Variants in LANCL3 observed in about 807,000 individuals in gnomAD.
LANCL3 encodes the protein LanC like family member 3.
LANCL3 carries 19 observed loss-of-function variants against 26.5 expected under a neutral mutation model. That is an observed-to-expected ratio of 0.72 (90% CI 0.50 to 1.05). The LOEUF (loss-of-function observed/expected upper bound fraction) is 1.05. Ranked by LOEUF, LANCL3 falls within the 50% of genes least tolerant of loss-of-function variation. The pLI is 0.00. For missense variants in LANCL3, 318 were observed against 362.7 expected (o/e 0.88, Z 1.00); for synonymous variants, 160 against 166.6 (o/e 0.96, Z 0.30).
chrX:37,667,400 G>A lies in LANCL3; in HGVS notation c.1014G>A (p.Gly338=). The A allele has an allele frequency of 8.3e-7, 1 of 1,202,479 alleles. No individual in the cohort carries two copies. The highest frequency in any genetic ancestry group is 2.4e-4 in the Middle Eastern group (1 of 4,159). The change falls in exon 4 of 5, where the codon GGG becomes GGA. Residue 338 remains glycine (G), a synonymous_variant. Transcript: ENST00000378619. ...WQKGLLKKGP[G]ICHGVAGSAY... The stretch of plus-strand genomic sequence containing the variant: ...AAGGCCTGCTAAAGAAGGGGCCTGG[G>A]ATTTGCCATGGAGTAGCCGGCAGTG...
At chrX:37,637,224 G>T (rs1556425443) in intron 1 of LANCL3, among the ~76,000 whole-genome samples, 1 of 111,904 alleles carries the variant, frequency 8.9e-6, no homozygotes, top group Non-Finnish European at 1.9e-5. Flanking sequence ...ATCATGAATG[G>T]CTAACATAAA....
intron 1 of LANCL3, among the ~76,000 whole-genome samples, chrX:37,581,888 C>A (rs1189594956): frequency 7.2e-5 from 8 of 110,688 alleles, no homozygotes; most frequent in Non-Finnish European, 1.3e-4. Flanking sequence ...CCCATTAACT[C>A]GTCATTTATA....
At chrX:37,625,389 G>A (rs1925287263) in intron 1 of LANCL3, among the ~76,000 whole-genome samples, 1 of 111,272 alleles carries the variant, frequency 9.0e-6, no homozygotes, top group Non-Finnish European at 1.9e-5. Context: ...AGAAATTGCA[G>A]AAGTTCCAAA....
rs186684422 is a variant in LANCL3, at chrX:37,612,199, C to T, written c.573+39756C>T. ...TCAGGTGATCCGCCCACCTTGGCCT[C>T]CCAAAGTGCTGGGATTACAGGCGTA... On this transcript the variant is annotated intron_variant, in intron 1 of 4. Coordinates refer to ENST00000378619, the MANE Select transcript of LANCL3 (RefSeq NM_001170331.2). 5.0e-3 allele frequency among the ~76,000 whole-genome samples: 555 copies of T among 111,877 alleles called. 4 individuals carry two copies. The highest frequency in any genetic ancestry group is 0.014 in the Middle Eastern group (3 of 218).
At chrX:37,648,264 T>C (rs1926036862) in intron 1 of LANCL3, among the ~76,000 whole-genome samples, 1 of 112,570 alleles carries the variant, frequency 8.9e-6, no homozygotes, top group African/African-American at 3.2e-5. Flanking sequence ...ACTCCAGATA[T>C]ACAGTGTTGT....
At chrX:37,572,520 A>T (rs1479122720) in intron 1 of LANCL3, 77 bp downstream of exon 1, 2 of 886,670 alleles carry the variant, frequency 2.3e-6, no homozygotes, top group Non-Finnish European at 3.2e-6. Flanking sequence ...TGGCTCGGGC[A>T]GCACTGTCCC....
intron 1 of LANCL3, among the ~76,000 whole-genome samples, chrX:37,636,446 C>A (rs1925707489): frequency 8.9e-6 from 1 of 112,345 alleles, no homozygotes; most frequent in Non-Finnish European, 1.9e-5. Context: ...TATAAGCATT[C>A]CCCTTTCTCT....
chrX:37,665,960 G>A (rs1441523283), intron 3 of LANCL3, among the ~76,000 whole-genome samples: 1 of 112,149 alleles, frequency 8.9e-6, no homozygotes, highest in African/African-American at 3.2e-5. Context: ...TCATCATTTA[G>A]TTTGTGCAAG....
rs1442989577 is a variant in LANCL3, at chrX:37,683,483, A to C, written c.*7670A>C. 6.2e-5 allele frequency: 7 copies of C among 112,350 alleles called. No individual in the cohort carries two copies. Among genetic ancestry groups the C allele is most frequent in the African/African-American group, 2.3e-4 (7 of 30,992 alleles). The allele number at this position is 112,350 out of a possible 1,213,427, so 9.3% of individuals were successfully genotyped here. A position where few individuals can be genotyped will look rare whatever the true frequency, so the allele number is the denominator to read the frequency against. ...ATAGTGATTGGTTGTTACTACTTTA[A>C]AATCCTACTAATTTCCATTAGCACT... On this transcript the variant is annotated 3_prime_UTR_variant, in exon 5 of 5. Coordinates refer to ENST00000378619, the MANE Select transcript of LANCL3 (RefSeq NM_001170331.2).
chrX:37,680,590 G>A lies in LANCL3; in HGVS notation c.*4777G>A, dbSNP rs782268511. On this transcript the variant is annotated 3_prime_UTR_variant, in exon 5 of 5. Transcript: ENST00000378619. ...TTTGAAAAAATTAATTAAAATAACC[G>A]AATCACCCATGTTTTTGTTCTTGCA... The A allele has an allele frequency of 9.0e-6, 1 of 111,467 alleles. No homozygotes were observed. Among genetic ancestry groups the A allele is most frequent in the Non-Finnish European group, 1.9e-5 (1 of 53,136 alleles). The allele number at this position is 111,467 out of a possible 1,213,427, so 9.2% of individuals were successfully genotyped here.
At chrX:37,648,499 A>G (rs1926042628) in intron 1 of LANCL3, among the ~76,000 whole-genome samples, 1 of 112,329 alleles carries the variant, frequency 8.9e-6, no homozygotes, top group Non-Finnish European at 1.9e-5. Context: ...ACCCAAAACC[A>G]TAAAAACCCT....
rs369407054 is a variant in LANCL3, at chrX:37,571,831, A to G, written c.-40A>G. The stretch of plus-strand genomic sequence containing the variant: ...TGCGGGGCTGCAGGGCACGACTTCA[A>G]GCGGTCCTCAGCTCCGCACTAGGGG... On this transcript the variant is annotated 5_prime_UTR_variant, in exon 1 of 5. Transcript: ENST00000378619. 2.2e-5 allele frequency: 25 copies of G among 1,128,548 alleles called. No homozygotes were observed. Among genetic ancestry groups the G allele is most frequent in the Non-Finnish European group, 2.7e-5 (23 of 840,130 alleles). 93.0% of individuals were successfully genotyped at this position (1,128,548 alleles called of 1,213,427 possible). A position where few individuals can be genotyped will look rare whatever the true frequency, so the allele number is the denominator to read the frequency against.
At chrX:37,584,213 G>A (rs1244359623) in intron 1 of LANCL3, among the ~76,000 whole-genome samples, 11 of 110,685 alleles carry the variant, frequency 9.9e-5, no homozygotes, top group Admixed American at 9.5e-4. Flanking sequence ...TGCTGGATTC[G>A]GTTTGCCAGC....
chrX:37,618,622 G>C (rs1392553277), intron 1 of LANCL3, among the ~76,000 whole-genome samples: 1 of 111,425 alleles, frequency 9.0e-6, no homozygotes, highest in Non-Finnish European at 1.9e-5. Flanking sequence ...GATATTCCTT[G>C]GCTTGTAGAT....
chrX:37,633,149 G>A (rs1480647426), intron 1 of LANCL3, among the ~76,000 whole-genome samples: 3 of 99,529 alleles, frequency 3.0e-5, no homozygotes, highest in Admixed American at 1.1e-4. Flanking sequence ...GGCTTTGTTC[G>A]TTTTTTTTTT....
chrX:37,634,545 G>A (rs1556425134), intron 1 of LANCL3, among the ~76,000 whole-genome samples: 1 of 112,691 alleles, frequency 8.9e-6, no homozygotes, highest in Non-Finnish European at 1.9e-5. Flanking sequence ...GCTCGCGCTG[G>A]GAGCTGTAGA....
chrX:37,640,148 C>G (rs1925825908), intron 1 of LANCL3, among the ~76,000 whole-genome samples: 1 of 112,273 alleles, frequency 8.9e-6, no homozygotes, highest in African/African-American at 3.2e-5. Context: ...GACTACCCCA[C>G]TAGTATGTTA....
chrX:37,581,384 C>T (rs1923888888), intron 1 of LANCL3, among the ~76,000 whole-genome samples: 1 of 112,038 alleles, frequency 8.9e-6, no homozygotes, highest in Admixed American at 9.5e-5. Flanking sequence ...ATTTCTTTTT[C>T]CTAATAGATG....
At chrX:37,605,326 C>A (rs1250323563) in intron 1 of LANCL3, among the ~76,000 whole-genome samples, 2 of 111,893 alleles carry the variant, frequency 1.8e-5, no homozygotes, top group Non-Finnish European at 3.8e-5. Flanking sequence ...TATATTGTTG[C>A]TTTTGATGTA....
Sources: gnomAD v4.1 joint callset for allele counts (sites outside exome capture counted in the v4.1 genomes callset) on GRCh38, gnomAD v4.1.1 for gene constraint, MANE v1.5 for transcripts, NCBI Gene and HGNC (gene_info 2026-07-23, HGNC 2026-07-21) for gene names.